The following RGS7 variants were observed in gnomAD, a reference collection of about 807,000 sequenced individuals.
The protein encoded by RGS7 is regulator of G-protein signaling 7.
A neutral mutation model predicts 81.1 loss-of-function variants in RGS7; 27 were observed. That is an observed-to-expected ratio of 0.33 (90% confidence interval 0.25 to 0.46). The LOEUF is 0.46. RGS7 is among the 20% of genes least tolerant of loss of function. The pLI is 1.00. For synonymous variants in RGS7, 208 were observed against 207.7 expected (o/e 1.00, Z -0.01); for missense variants, 396 against 607.4 (o/e 0.65, Z 3.66).
intron 2 of RGS7, among the ~76,000 whole-genome samples, chr1:241,142,697 C>T (rs188172969): frequency 1.3e-3 from 191 of 152,290 alleles, no homozygotes; most frequent in African/African-American, 3.7e-3. Context: ...GAAGGGCTGC[C>T]GTGAAGACCT....
At chr1:240,805,144 G>C (rs961167737) in intron 15 of RGS7, among the ~76,000 whole-genome samples, 5 of 152,100 alleles carry the variant, frequency 3.3e-5, no homozygotes, top group African/African-American at 1.2e-4. Context: ...AGAGGCTAAG[G>C]TGGGAGGATT....
chr1:240,899,642 G>C (rs1332026132), intron 6 of RGS7, among the ~76,000 whole-genome samples: 1 of 152,324 alleles, frequency 6.6e-6, no homozygotes, highest in South Asian at 2.1e-4. Context: ...TAGAGTTTCT[G>C]CTGAGAGATC....
At chr1:241,161,733 TTTG>T (rs2069695725) in intron 2 of RGS7, among the ~76,000 whole-genome samples, 1 of 150,518 alleles carries the variant, frequency 6.6e-6, no homozygotes, top group Non-Finnish European at 1.5e-5. Context: ...TTTTTTTTTT[TTTG>T]AGACAGAGTC....
intron 4 of RGS7, among the ~76,000 whole-genome samples, chr1:240,975,650 GA>G: frequency 6.6e-6 from 1 of 152,194 alleles, no homozygotes. Context: ...ATAATTTTGT[GA>G]AGGATCCAGA....
intron 2 of RGS7, among the ~76,000 whole-genome samples, chr1:241,338,432 A>G (rs992184271): frequency 1.3e-5 from 2 of 152,166 alleles, no homozygotes; most frequent in Non-Finnish European, 2.9e-5. Context: ...AAGCAAAGAC[A>G]TTACAAGAAA....
At chr1:240,927,212 G>A (rs1420448625) in intron 6 of RGS7, among the ~76,000 whole-genome samples, 1 of 152,004 alleles carries the variant, frequency 6.6e-6, no homozygotes, top group Non-Finnish European at 1.5e-5. Context: ...GACTACAGAC[G>A]TGCGCCACCA....
intron 3 of RGS7, among the ~76,000 whole-genome samples, chr1:241,082,355 A>G (rs2063183139): frequency 6.6e-6 from 1 of 152,226 alleles, no homozygotes. Flanking sequence ...TATCTAGGAA[A>G]AGAAAACAGT....
intron 2 of RGS7, among the ~76,000 whole-genome samples, chr1:241,241,938 GTT>G (rs11284941): frequency 1.3e-4 from 19 of 149,256 alleles, no homozygotes; most frequent in African/African-American, 4.4e-4. Flanking sequence ...CTCTTTTTGT[GTT>G]TTTTTTTTTA....
chr1:240,814,978 C>G (rs532495836), intron 11 of RGS7, among the ~76,000 whole-genome samples: 1 of 139,104 alleles, frequency 7.2e-6, no homozygotes, highest in South Asian at 2.2e-4. Flanking sequence ...CAATTGATAT[C>G]ACTTTAGAAG....
intron 2 of RGS7, among the ~76,000 whole-genome samples, chr1:241,171,177 C>T (rs936053991): frequency 2.6e-5 from 4 of 152,154 alleles, no homozygotes; most frequent in African/African-American, 9.7e-5. Context: ...AATGAGTTAT[C>T]TTTAAATACT....
chr1:241,331,653 C>T (rs2081986091), intron 2 of RGS7, among the ~76,000 whole-genome samples: 1 of 152,088 alleles, frequency 6.6e-6, no homozygotes, highest in Admixed American at 6.5e-5. Flanking sequence ...ACACCTAATG[C>T]AGTATTTCTA....
At chr1:241,260,014 C>A (rs2077249063) in intron 2 of RGS7, among the ~76,000 whole-genome samples, 1 of 152,056 alleles carries the variant, frequency 6.6e-6, no homozygotes, top group African/African-American at 2.4e-5. Flanking sequence ...AAGTCATTTA[C>A]CTTCCAGTCC....
At chr1:240,867,240 T>C (rs138921522) in intron 9 of RGS7, among the ~76,000 whole-genome samples, 1 of 152,340 alleles carries the variant, frequency 6.6e-6, no homozygotes, top group Non-Finnish European at 1.5e-5. Context: ...TATGTACATA[T>C]ATAAACAAAC....
At chr1:240,987,568 A>T in intron 3 of RGS7, among the ~76,000 whole-genome samples, 1 of 150,148 alleles carries the variant, frequency 6.7e-6, no homozygotes, top group African/African-American at 2.5e-5. Flanking sequence ...GGTCTCACTC[A>T]GGCTGCAAGA....
intron 3 of RGS7, among the ~76,000 whole-genome samples, chr1:241,038,032 T>C (rs1558631578): frequency 1.3e-5 from 2 of 152,196 alleles, no homozygotes; most frequent in Non-Finnish European, 2.9e-5. Context: ...GTATAATGGG[T>C]ATACCAAAAT....
intron 2 of RGS7, among the ~76,000 whole-genome samples, chr1:241,218,430 C>G (rs901278404): frequency 2.0e-5 from 3 of 152,170 alleles, no homozygotes; most frequent in Non-Finnish European, 4.4e-5. Flanking sequence ...CAGTGCCTAA[C>G]AGAGAAAATC....
chr1:240,982,835 C>T (rs1685124189), intron 4 of RGS7, among the ~76,000 whole-genome samples: 1 of 151,958 alleles, frequency 6.6e-6, no homozygotes, highest in South Asian at 2.1e-4. Context: ...TAACGATCAC[C>T]GATGACCTGA....
intron 4 of RGS7, among the ~76,000 whole-genome samples, chr1:240,965,149 G>A (rs1682090647): frequency 6.6e-6 from 1 of 152,026 alleles, no homozygotes; most frequent in African/African-American, 2.4e-5. Context: ...ATTCTCATAT[G>A]TTTGCTTCTT....
intron 3 of RGS7, among the ~76,000 whole-genome samples, chr1:240,997,631 C>CCTGACCAACATGGGGAAACCCCAT (rs1687495015): frequency 6.6e-6 from 1 of 152,150 alleles, no homozygotes; most frequent in African/African-American, 2.4e-5. Flanking sequence ...TCGAGACCAG[C>CCTGACCAACATGGGGAAACCCCAT]CTGACCAACA....
Sources: allele counts gnomAD v4.1 joint callset (sites outside exome capture counted in the v4.1 genomes callset), GRCh38; gene constraint gnomAD v4.1.1; transcripts MANE v1.5; gene names NCBI Gene and HGNC (gene_info 2026-07-23, HGNC 2026-07-21).